The following UNC80 variants were observed in gnomAD, a reference collection of about 807,000 sequenced individuals.
UNC80 encodes unc-80 subunit of NALCN channel complex, also known as protein unc-80 homolog.
A neutral mutation model predicts 384.6 loss-of-function variants in UNC80; 164 were observed. The observed-to-expected ratio is 0.43, with a 90% CI of 0.38 to 0.49. The LOEUF is 0.49. Among genes scored for constraint, UNC80 ranks in the 20% least tolerant of loss-of-function variants. UNC80 has a pLI of 0.00. For synonymous variants in UNC80, 1,486 were observed against 1,527.8 expected, an observed-to-expected ratio of 0.97 and a Z score of 0.64; for missense variants, 3,330 against 4,143.0, an observed-to-expected ratio of 0.80 and a Z score of 5.39.
At chr2:209,964,852 A>T (rs537229970) in intron 51 of UNC80, among the ~76,000 whole-genome samples, 2 of 152,086 alleles carry the variant, frequency 1.3e-5, no homozygotes, top group East Asian at 3.9e-4. Context: ...ACTTAAGGAC[A>T]TATCAACAAA....
intron 46 of UNC80, 60 bp downstream of exon 46, chr2:209,945,249 A>C: frequency 3.3e-6 from 5 of 1,507,196 alleles, no homozygotes; most frequent in Non-Finnish European, 4.5e-6. Flanking sequence ...ATATAAATAT[A>C]TGTATTATAC....
intron 35 of UNC80, among the ~76,000 whole-genome samples, chr2:209,925,670 C>G (rs1466479566): frequency 1.3e-5 from 2 of 152,128 alleles, no homozygotes; most frequent in Non-Finnish European, 2.9e-5. Context: ...ACACAGAGCA[C>G]TGACTGGTGC....
At chr2:209,855,264 G>A (rs2082821019) in intron 22 of UNC80, among the ~76,000 whole-genome samples, 1 of 152,032 alleles carries the variant, frequency 6.6e-6, no homozygotes, top group African/African-American at 2.4e-5. Context: ...ATGGACACAT[G>A]GACACAGGGG....
At chr2:209,980,608 A>G (rs1279068175) in intron 59 of UNC80, among the ~76,000 whole-genome samples, 1 of 152,342 alleles carries the variant, frequency 6.6e-6, no homozygotes, top group East Asian at 1.9e-4. Context: ...GTTTTGAATT[A>G]AACTTTCTTA....
chr2:209,800,240 G>C (rs1340540893), intron 7 of UNC80, among the ~76,000 whole-genome samples: 3 of 152,144 alleles, frequency 2.0e-5, no homozygotes, highest in Non-Finnish European at 4.4e-5. Flanking sequence ...TTCAGAGCTT[G>C]CTATTGGGCT....
intron 62 of UNC80, among the ~76,000 whole-genome samples, chr2:209,992,471 A>G (rs2125032844): frequency 6.6e-6 from 1 of 152,168 alleles, no homozygotes; most frequent in East Asian, 1.9e-4. Flanking sequence ...AAATAAAACA[A>G]TGTTTTTTTT....
intron 26 of UNC80, among the ~76,000 whole-genome samples, chr2:209,889,090 G>A (rs2086096433): frequency 6.6e-6 from 1 of 152,128 alleles, no homozygotes; most frequent in South Asian, 2.1e-4. Flanking sequence ...ATTGCTAAAT[G>A]CACATTAAAC....
chr2:209,994,156 G>A lies in UNC80; in HGVS notation c.9600G>A (p.Gln3200=). The A allele has an allele frequency of 6.4e-7, 1 of 1,551,550 alleles. No homozygotes were observed. The highest frequency in any genetic ancestry group is 8.7e-7 in the Non-Finnish European group (1 of 1,146,974). The change falls in exon 64 of 65, where the codon CAG becomes CAA. Residue 3200 remains glutamine (Q), a synonymous_variant. Coordinates refer to ENST00000673920, the MANE Select transcript of UNC80 (RefSeq NM_001371986.1). ...CGCTTCCTGCAACAGGCCAACTACA[G>A]GGCTGTAGCCCAGCCCCTTCTAGGA... ...TDALPATGQL[Q]GCSPAPSRKP... is the part of the protein sequence containing the mutation.
intron 47 of UNC80, among the ~76,000 whole-genome samples, chr2:209,952,000 T>C (rs2092211270): frequency 6.6e-6 from 1 of 152,218 alleles, no homozygotes. Context: ...ACCTTTCAGG[T>C]TTCTAATTTC....
At chr2:209,863,507 T>C (rs910276706) in intron 22 of UNC80, among the ~76,000 whole-genome samples, 1 of 152,130 alleles carries the variant, frequency 6.6e-6, no homozygotes, top group Non-Finnish European at 1.5e-5. Flanking sequence ...TGAAGTCCCA[T>C]ATTTCTTGGA....
At chr2:209,921,274 A>G (rs764808839) in intron 33 of UNC80, among the ~76,000 whole-genome samples, 1 of 152,354 alleles carries the variant, frequency 6.6e-6, no homozygotes, top group East Asian at 1.9e-4. Flanking sequence ...TCCAGAAATT[A>G]TGTGTTCATG....
chr2:209,990,437 TACCTTAATGGGAG>T (rs1417097966), intron 61 of UNC80, among the ~76,000 whole-genome samples: 1 of 152,220 alleles, frequency 6.6e-6, no homozygotes, highest in Non-Finnish European at 1.5e-5. Context: ...TTCTTTTCTC[TACCTTAATGGGAG>T]GTAGTTGGTA....
intron 18 of UNC80, among the ~76,000 whole-genome samples, chr2:209,838,439 A>G (rs955090326): frequency 3.3e-5 from 5 of 151,992 alleles, no homozygotes; most frequent in Non-Finnish European, 7.4e-5. Flanking sequence ...CCTTGCAGGT[A>G]TTTCTATTTG....
In UNC80 at chr2:209,912,568, T is replaced by C; in HGVS notation, c.4791T>C (p.Asp1597=). 1 of 1,550,074 alleles carries C rather than the reference T, an allele frequency of 6.5e-7. No individual in the cohort carries two copies. Among genetic ancestry groups the C allele is most frequent in the South Asian group, 1.2e-5 (1 of 83,904 alleles). The change falls in exon 30 of 65, where the codon GAT becomes GAC. Residue 1597 remains aspartate (D), a synonymous_variant. Coordinates refer to ENST00000673920, the MANE Select transcript of UNC80 (RefSeq NM_001371986.1). ...LRGKKQKECS[D]KSCLRTPSLK... ...ATCCCTGGTCTTTTCAGTGCTCAGA[T>C]AAGTCATGCCTGAGGACACCTTCTC...
At chr2:209,933,400 A>T (rs926297548) in intron 38 of UNC80, among the ~76,000 whole-genome samples, 1 of 152,098 alleles carries the variant, frequency 6.6e-6, no homozygotes, top group African/African-American at 2.4e-5. Flanking sequence ...AAAAAAGAAG[A>T]CACACAAAAA....
chr2:209,832,152 C>T (rs899943093), intron 16 of UNC80, among the ~76,000 whole-genome samples: 2 of 151,974 alleles, frequency 1.3e-5, no homozygotes, highest in Admixed American at 1.3e-4. Context: ...TTTGAGGACT[C>T]AGGGGGAGGG....
intron 22 of UNC80, among the ~76,000 whole-genome samples, chr2:209,863,462 T>C (rs907185166): frequency 1.5e-4 from 23 of 152,168 alleles, no homozygotes; most frequent in Non-Finnish European, 1.6e-4. Context: ...CATCTCCTTC[T>C]GGTACTCCAG....
In UNC80 at chr2:209,998,834, C is replaced by T. The variant is rs1417899608; in HGVS notation, c.*3239C>T. On this transcript the variant is annotated 3_prime_UTR_variant, in exon 65 of 65. Transcript: ENST00000673920. ...CCCTGTGACCTCACACTTCCCATTC[C>T]ATGGCCTTGTCTTGGCAGGGAGTAA... The T allele has an allele frequency of 6.6e-6, 1 of 152,196 alleles. No homozygotes were observed. The highest frequency in any genetic ancestry group is 1.5e-5 in the Non-Finnish European group (1 of 68,036). 9.4% of individuals were successfully genotyped at this position (152,196 alleles called of 1,614,324 possible). A position where few individuals can be genotyped will look rare whatever the true frequency, so the allele number is the denominator to read the frequency against.
chr2:209,871,446 A>G (rs994035657), intron 22 of UNC80, among the ~76,000 whole-genome samples: 32 of 152,196 alleles, frequency 2.1e-4, no homozygotes, highest in African/African-American at 7.5e-4. Context: ...AAGTTAACTG[A>G]CATGTAATTG....
Sources: allele counts gnomAD v4.1 joint callset (sites outside exome capture counted in the v4.1 genomes callset), GRCh38; gene constraint gnomAD v4.1.1; transcripts MANE v1.5; gene names NCBI Gene and HGNC (gene_info 2026-07-23, HGNC 2026-07-21).